PGLYRP1: variants seen among roughly 807,000 people sequenced by gnomAD.
The protein encoded by PGLYRP1 is TNF superfamily, member 3 (LTB)-like (peptidoglycan recognition protein).
PGLYRP1 carries 18 observed loss-of-function variants against 16.3 expected under a neutral mutation model. The ratio of observed to expected loss-of-function variants is 1.11; its 90% CI spans 0.77 to 1.64. The LOEUF is 1.64. PGLYRP1 is among the 40% of genes most tolerant of loss of function. The probability of loss-of-function intolerance (pLI) is 0.00; values close to 1 mark genes in which losing one functional copy is unlikely to be tolerated. For missense variants in PGLYRP1, 261 were observed against 268.6 expected (o/e 0.97, Z 0.20); for synonymous variants, 89 against 105.7 (o/e 0.84, Z 0.97).
chr19:46,021,465 C>G (rs1231278770), intron 1 of PGLYRP1: 1 of 152,182 alleles, frequency 6.6e-6, no homozygotes, highest in Non-Finnish European at 1.5e-5. Context: ...CCTGCATGTT[C>G]CTCCAATAAG....
At chr19:46,020,797 G>A (rs572000192) in intron 1 of PGLYRP1, among the ~76,000 whole-genome samples, 1 of 152,358 alleles carries the variant, frequency 6.6e-6, no homozygotes, top group Non-Finnish European at 1.5e-5. Context: ...CGCACAGAAT[G>A]TCGGAACTTC....
At chr19:46,022,189 C>T (rs1600660990) in intron 1 of PGLYRP1, among the ~76,000 whole-genome samples, 1 of 152,352 alleles carries the variant, frequency 6.6e-6, no homozygotes, top group East Asian at 1.9e-4. Flanking sequence ...ATGGTAATAG[C>T]CCGTGGCTTT....
intron 1 of PGLYRP1, among the ~76,000 whole-genome samples, chr19:46,021,888 C>G (rs576523776): frequency 6.6e-6 from 1 of 152,136 alleles, no homozygotes; most frequent in African/African-American, 2.4e-5. Flanking sequence ...GCCCCCAGCA[C>G]CCCCTGCCAC....
chr19:46,022,190 C>G (rs1022940795), intron 1 of PGLYRP1, among the ~76,000 whole-genome samples: 1 of 152,236 alleles, frequency 6.6e-6, no homozygotes, highest in African/African-American at 2.4e-5. Context: ...TGGTAATAGC[C>G]CGTGGCTTTG....
At chr19:46,020,841 G>A (rs921866702) in intron 1 of PGLYRP1, among the ~76,000 whole-genome samples, 16 of 152,248 alleles carry the variant, frequency 1.1e-4, no homozygotes, top group African/African-American at 3.9e-4. Context: ...TGCTTAGGAA[G>A]CCAGCTCCCA....
intron 1 of PGLYRP1, among the ~76,000 whole-genome samples, chr19:46,020,766 C>T (rs569144652): frequency 1.2e-4 from 18 of 152,368 alleles, no homozygotes; most frequent in Non-Finnish European, 2.2e-4. Flanking sequence ...TCAGCCCCCG[C>T]GCTCACAGTG....
rs1568702113 is a variant in PGLYRP1, at chr19:46,022,755, G to T, written c.267C>A (p.Gly89=). 1.9e-6 allele frequency: 3 copies of T among 1,614,208 alleles called. No individual in the cohort carries two copies. The highest frequency in any genetic ancestry group is 2.5e-6 in the Non-Finnish European group (3 of 1,180,024). Residue 89 remains glycine, a synonymous_variant, in exon 1 of 3, where the codon GGC becomes GGA. Coordinates refer to ENST00000008938, the MANE Select transcript of PGLYRP1 (RefSeq NM_005091.3). ...CTCACTTGTAGCCCACGTCGCACCA[G>T]CCCAGTGTCTTCATGTGGTAGTGCT... is the stretch of plus-strand genomic sequence containing the variant. The part of the protein sequence containing the change: ...NVQHYHMKTL[G]WCDVGYNFLI...
intron 1 of PGLYRP1, among the ~76,000 whole-genome samples, chr19:46,022,448 G>T (rs1969054714): frequency 6.6e-6 from 1 of 152,264 alleles, no homozygotes; most frequent in African/African-American, 2.4e-5. Context: ...AGGCGTCGCG[G>T]ACACCTTGGT....
At chr19:46,020,186 G>A (rs571936649) in intron 1 of PGLYRP1, among the ~76,000 whole-genome samples, 103 of 147,480 alleles carry the variant, frequency 7.0e-4, no homozygotes, top group African/African-American at 2.5e-3. Context: ...TCAGCTCACC[G>A]CAACCTCTGC....
chr19:46,022,125 GCA>G (rs925573048), intron 1 of PGLYRP1, among the ~76,000 whole-genome samples: 4 of 152,226 alleles, frequency 2.6e-5, no homozygotes, highest in African/African-American at 9.6e-5. Context: ...GGCTAGAGTG[GCA>G]CCGTTCTCCA....
chr19:46,020,339 C>T (rs1295795264), intron 1 of PGLYRP1, among the ~76,000 whole-genome samples: 1 of 152,102 alleles, frequency 6.6e-6, no homozygotes, highest in Non-Finnish European at 1.5e-5. Context: ...GAACTCCCGA[C>T]CTCAGGTGAT....
Position 46,022,785 on chromosome 19 carries a change from A to C in PGLYRP1, c.237T>G (p.Asn79Lys), listed in dbSNP as rs755956627. Residue 79 changes from asparagine (N) to lysine (K), a missense_variant, in exon 1 of 3, where the codon AAT (asparagine) becomes AAG (lysine). Physicochemically the swap from Asn to Lys is moderately conservative, Grantham distance 94 (BLOSUM62 0). Transcript: ENST00000008938. ...GTGTCTTCATGTGGTAGTGCTGCAC[A>C]TTCCGGGCCTGCTGCTGGCACGAGG... ...TPASCQQQAR[N>K]VQHYHMKTLG... 7 of 1,614,082 alleles carry C rather than the reference A, an allele frequency of 4.3e-6. No homozygotes were observed. In the East Asian group the frequency reaches 1.6e-4, roughly 36 times the overall value.
chr19:46,022,331 A>G (rs1489375094), intron 1 of PGLYRP1, among the ~76,000 whole-genome samples: 1 of 152,230 alleles, frequency 6.6e-6, no homozygotes, highest in Non-Finnish European at 1.5e-5. Flanking sequence ...CCCAGGCCTC[A>G]GCCAGCAATA....
intron 1 of PGLYRP1, chr19:46,020,942 T>C (rs1037169452): frequency 1.1e-4 from 17 of 152,790 alleles, no homozygotes; most frequent in African/African-American, 4.1e-4. Flanking sequence ...GTTATGGCCC[T>C]GCCATATTCC....
chr19:46,022,056 C>T (rs1969050231), intron 1 of PGLYRP1, among the ~76,000 whole-genome samples: 1 of 152,234 alleles, frequency 6.6e-6, no homozygotes, highest in African/African-American at 2.4e-5. Flanking sequence ...CCTCTATCAC[C>T]GTCTGAATTC....
At chr19:46,021,617 CCTGCTT>C (rs1969044778) in intron 1 of PGLYRP1, among the ~76,000 whole-genome samples, 1 of 147,248 alleles carries the variant, frequency 6.8e-6, no homozygotes, top group Non-Finnish European at 1.5e-5. Context: ...CCTGCTTCAG[CCTGCTT>C]CAGCCGGCAC....
At chr19:46,021,219 T>C (rs1276231507) in intron 1 of PGLYRP1, 3 of 152,166 alleles carry the variant, frequency 2.0e-5, no homozygotes, top group Admixed American at 1.3e-4. Context: ...GACCCGAGGC[T>C]CGGGCCTTCG....
rs758897367 is a variant in PGLYRP1 at position 46,019,367 on chromosome 19, G to A, written c.462C>T (p.Cys154=). 27 of 1,613,730 alleles carry A rather than the reference G, an allele frequency of 1.7e-5. No individual in the cohort carries two copies. Among genetic ancestry groups the A allele is most frequent in the Non-Finnish European group, 2.0e-5 (24 of 1,179,924 alleles). Residue 154 remains cysteine (C), a synonymous_variant, in exon 3 of 3, where the codon TGC becomes TGT. Transcript: ENST00000008938. This position sits in a 1 kb window ranked among gnomAD's most constrained non-coding sequence, Gnocchi z 4.8. ...AIRAAQGLLA[C]GVAQGALRSN... ...ACCTCAGGGCTCCCTGAGCCACACC[G>A]CAGGCCAGTAGACCCTGGGCTGCCC...
At chr19:46,021,714 G>T (rs1969046187) in intron 1 of PGLYRP1, among the ~76,000 whole-genome samples, 1 of 152,140 alleles carries the variant, frequency 6.6e-6, no homozygotes, top group African/African-American at 2.4e-5. Context: ...TCTGCGGGGG[G>T]AAGCCTCCCA....
Sources: allele counts gnomAD v4.1 joint callset (sites outside exome capture counted in the v4.1 genomes callset), GRCh38; gene constraint gnomAD v4.1.1; non-coding constraint Gnocchi (gnomAD v3.1); transcripts MANE v1.5; gene names NCBI Gene and HGNC (gene_info 2026-07-23, HGNC 2026-07-21).